CNTN5: variants seen among roughly 807,000 people sequenced by gnomAD.
CNTN5 encodes contactin-5.
Under a neutral mutation model 129.1 loss-of-function variants are expected in CNTN5, and 77 were observed. The observed-to-expected ratio is 0.60, with a 90% CI of 0.50 to 0.72. The LOEUF (loss-of-function observed/expected upper bound fraction) is 0.72, where lower values mean the gene tolerates loss of function less well. Ranked by LOEUF, CNTN5 falls within the 30% of genes least tolerant of loss-of-function variation. CNTN5 has a pLI of 0.00. For missense variants in CNTN5, 1,478 were observed against 1,328.8 expected (o/e 1.11, Z -1.75); for synonymous variants, 509 against 465.6 (o/e 1.09, Z -1.20).
intron 2 of CNTN5, among the ~76,000 whole-genome samples, chr11:99,399,411 A>G (rs1325343167): frequency 6.6e-6 from 1 of 151,764 alleles, no homozygotes; most frequent in Non-Finnish European, 1.5e-5. Context: ...AAAGAAATTT[A>G]TATTTAATTC....
At chr11:99,418,568 C>G (rs1942760937) in intron 2 of CNTN5, among the ~76,000 whole-genome samples, 1 of 152,060 alleles carries the variant, frequency 6.6e-6, no homozygotes, top group Non-Finnish European at 1.5e-5. Context: ...AATTACTTTT[C>G]TTTTTGGAAG....
intron 3 of CNTN5, among the ~76,000 whole-genome samples, chr11:99,767,627 C>CAA (rs11308192): frequency 4.2e-4 from 61 of 144,582 alleles, no homozygotes; most frequent in African/African-American, 1.5e-3. Context: ...GTTTTTAAAC[C>CAA]AAAAAAAAAA....
intron 1 of CNTN5, among the ~76,000 whole-genome samples, chr11:99,171,896 G>A (rs899809810): frequency 4.6e-5 from 7 of 152,122 alleles, no homozygotes; most frequent in African/African-American, 1.2e-4. Flanking sequence ...TGAATAATAC[G>A]CGAATTTCAT....
intron 3 of CNTN5, among the ~76,000 whole-genome samples, chr11:99,678,316 T>G (rs1372953181): frequency 2.0e-5 from 3 of 151,708 alleles, no homozygotes; most frequent in Non-Finnish European, 4.4e-5. Context: ...CAAAAAATGT[T>G]ACAAAGAAGG....
At chr11:99,390,443 A>T (rs1389089233) in intron 2 of CNTN5, among the ~76,000 whole-genome samples, 2 of 152,230 alleles carry the variant, frequency 1.3e-5, no homozygotes, top group African/African-American at 4.8e-5. Context: ...GAAAAAAGAA[A>T]GATTTTAAAA....
chr11:100,258,900 T>C (rs1950136104), intron 17 of CNTN5, among the ~76,000 whole-genome samples: 1 of 152,086 alleles, frequency 6.6e-6, no homozygotes, highest in African/African-American at 2.4e-5. Flanking sequence ...ACAGGCAAAA[T>C]AACCAGCTAG....
intron 1 of CNTN5, among the ~76,000 whole-genome samples, chr11:99,276,475 G>A (rs1044909878): frequency 5.3e-5 from 8 of 151,402 alleles, no homozygotes; most frequent in African/African-American, 1.9e-4. Flanking sequence ...AATTTATTGA[G>A]TTCAGATCCC....
At chr11:99,921,542 C>T (rs547961813) in intron 7 of CNTN5, among the ~76,000 whole-genome samples, 10 of 152,222 alleles carry the variant, frequency 6.6e-5, no homozygotes, top group South Asian at 2.1e-4. Flanking sequence ...TATTTTTCTC[C>T]GTAGTACTCA....
At chr11:99,612,617 T>C (rs1213084951) in intron 3 of CNTN5, among the ~76,000 whole-genome samples, 5 of 152,334 alleles carry the variant, frequency 3.3e-5, no homozygotes, top group Admixed American at 2.0e-4. Context: ...CGTAGGAGCC[T>C]GAGCTCTCCA....
rs554828178 is a variant in CNTN5, at chr11:100,009,445, A to G, written c.980+7309A>G. ...TATGTAAAGGCTTGGGTAACACAGC[A>G]AAGTGTAAAAAAAAAAATGGAGGGG... is the stretch of plus-strand genomic sequence containing the variant. On this transcript the variant is annotated intron_variant, in intron 9 of 24. Coordinates refer to ENST00000524871, the MANE Select transcript of CNTN5 (RefSeq NM_014361.4). 1.8e-4 allele frequency among the ~76,000 whole-genome samples: 22 copies of G among 122,894 alleles called. No homozygotes were observed. In the East Asian group the frequency reaches 7.5e-3, roughly 42 times the overall value. 80.6% of individuals were successfully genotyped at this position (122,894 alleles called of 152,430 possible). A position where few individuals can be genotyped will look rare whatever the true frequency, so the allele number is the denominator to read the frequency against.
At chr11:99,519,215 G>A (rs1947177211) in intron 2 of CNTN5, among the ~76,000 whole-genome samples, 1 of 151,838 alleles carries the variant, frequency 6.6e-6, no homozygotes, top group South Asian at 2.1e-4. Flanking sequence ...TTTTTACTTA[G>A]TTAATTTCTA....
intron 1 of CNTN5, among the ~76,000 whole-genome samples, chr11:99,101,110 G>A (rs1416687536): frequency 6.6e-6 from 1 of 152,132 alleles, no homozygotes; most frequent in African/African-American, 2.4e-5. Flanking sequence ...AGGCAAGAGA[G>A]AGAAGGAGAA....
intron 6 of CNTN5, among the ~76,000 whole-genome samples, chr11:99,856,939 A>G (rs1050957706): frequency 2.6e-5 from 4 of 152,002 alleles, no homozygotes. Flanking sequence ...CTGCTGGGCA[A>G]CTGTTCAATA....
intron 16 of CNTN5, among the ~76,000 whole-genome samples, chr11:100,255,384 T>G (rs1371813820): frequency 6.6e-6 from 1 of 152,060 alleles, no homozygotes; most frequent in Non-Finnish European, 1.5e-5. Flanking sequence ...TTTTTTTTTG[T>G]CTCTGTAGCA....
At chr11:99,672,451 C>A (rs909184539) in intron 3 of CNTN5, among the ~76,000 whole-genome samples, 15 of 151,598 alleles carry the variant, frequency 9.9e-5, no homozygotes. Context: ...TTTAGCAATC[C>A]CCTTAGAGAT....
intron 15 of CNTN5, among the ~76,000 whole-genome samples, chr11:100,209,556 C>T (rs1047708173): frequency 2.6e-5 from 4 of 152,164 alleles, no homozygotes; most frequent in Non-Finnish European, 5.9e-5. Context: ...AACAGGGAAA[C>T]ATTAATTTCT....
chr11:99,146,475 A>G (rs1859791391), intron 1 of CNTN5, among the ~76,000 whole-genome samples: 1 of 152,152 alleles, frequency 6.6e-6, no homozygotes. Flanking sequence ...TACCATATAT[A>G]TATTAAGTCA....
intron 3 of CNTN5, among the ~76,000 whole-genome samples, chr11:99,812,337 G>C (rs1946454610): frequency 6.6e-6 from 1 of 152,018 alleles, no homozygotes; most frequent in African/African-American, 2.4e-5. Flanking sequence ...AAATGAATAT[G>C]ACAATTCGGT....
rs1944034321 is a variant in CNTN5, at chr11:100,074,150, C to T, written c.1436C>T (p.Ala479Val). Residue 479 changes from alanine to valine, a missense_variant, in exon 13 of 25, where the codon GCT becomes GTT. Coordinates refer to ENST00000524871, the MANE Select transcript of CNTN5 (RefSeq NM_014361.4). ...ACATTTGCTTTTTTAATAGCTTCAG[C>T]TCCCACTTTTGCACTGAATCAACTG... ...ASAELKILAS[A>V]PTFALNQLKK... 6 of 1,610,944 alleles carry T rather than the reference C, an allele frequency of 3.7e-6. No individual in the cohort carries two copies. The highest frequency in any genetic ancestry group is 1.1e-5 in the South Asian group (1 of 90,798).
Sources: gnomAD v4.1 joint callset for allele counts (sites outside exome capture counted in the v4.1 genomes callset) on GRCh38, gnomAD v4.1.1 for gene constraint, MANE v1.5 for transcripts, NCBI Gene and HGNC (gene_info 2026-07-23, HGNC 2026-07-21) for gene names.